DSG4: variants seen among roughly 807,000 people sequenced by gnomAD.
DSG4 encodes the protein desmoglein 4, also known as desmoglein-4.
DSG4 carries 87 observed loss-of-function variants against 93.1 expected under a neutral mutation model. The observed-to-expected ratio is 0.93, with a 90% CI of 0.79 to 1.12. DSG4 has a LOEUF of 1.12. Among genes scored for constraint, DSG4 ranks in the 50% most tolerant of loss-of-function variants. The pLI is 0.00. For synonymous variants in DSG4, 432 were observed against 452.9 expected (o/e 0.95, Z 0.59); for missense variants, 1,373 against 1,285.7 (o/e 1.07, Z -1.04).
chr18:31,412,166 T>C (rs2072502035), intron 15 of DSG4, among the ~76,000 whole-genome samples: 1 of 152,246 alleles, frequency 6.6e-6, no homozygotes, highest in Admixed American at 6.5e-5. Flanking sequence ...GTGATTCATA[T>C]ACCCAATGGA....
chr18:31,384,486 C>G (rs1037509191), intron 1 of DSG4, among the ~76,000 whole-genome samples: 26 of 152,202 alleles, frequency 1.7e-4, no homozygotes, highest in African/African-American at 6.3e-4. Flanking sequence ...AAAATATATT[C>G]CAGTAGGATG....
At position 31,399,539 on chromosome 18, in the gene DSG4, G is replaced by A. The variant is rs2072342887; in HGVS notation, c.1273G>A (p.Val425Ile). Residue 425 changes from valine to isoleucine, a missense_variant, in exon 9 of 16, where the codon GTC becomes ATC. Transcript: ENST00000308128. ...DLDTGNPATD[V>I]RYIIGHDAGS... ...GGACACAGGAAACCCTGCAACAGATGTCAGGTACTGCAACTATTTTCTTCA... is the reference window on the plus strand; with the variant it reads ...GGACACAGGAAACCCTGCAACAGATATCAGGTACTGCAACTATTTTCTTCA... The A allele has an allele frequency of 6.2e-7, 1 of 1,613,902 alleles. No homozygotes were observed. The highest frequency in any genetic ancestry group is 1.7e-5 in the Admixed American group (1 of 60,020).
In DSG4 at chr18:31,412,540, G is replaced by A. The variant is rs569887277; in HGVS notation, c.2356-288G>A. 5.9e-5 allele frequency among the ~76,000 whole-genome samples: 9 copies of A among 152,126 alleles called. No homozygotes were observed. In the East Asian group the frequency reaches 9.7e-4, roughly 16 times the overall value. ...TAGAATTTTATCTCATATTTCAGTC[G>A]GCCTGCTTTATTCTCCATCTGTTCA... is the stretch of plus-strand genomic sequence containing the variant. On this transcript the variant is annotated intron_variant, in intron 15 of 15. Coordinates refer to ENST00000308128, the MANE Select transcript of DSG4 (RefSeq NM_177986.5).
At chr18:31,395,981 A>G (rs942618308) in intron 8 of DSG4, among the ~76,000 whole-genome samples, 1 of 152,196 alleles carries the variant, frequency 6.6e-6, no homozygotes, top group Admixed American at 6.5e-5. Flanking sequence ...CATGAAGGCA[A>G]ATAAGATATG....
At chr18:31,385,209 A>C (rs2072174800) in intron 2 of DSG4, 38 bp downstream of exon 2, 2 of 1,420,896 alleles carry the variant, frequency 1.4e-6, no homozygotes, top group South Asian at 2.6e-5. Flanking sequence ...ATTTAAAATT[A>C]AAACAAAAAC....
intron 3 of DSG4, among the ~76,000 whole-genome samples, chr18:31,387,883 T>G (rs1159207057): frequency 3.3e-5 from 5 of 152,176 alleles, no homozygotes; most frequent in African/African-American, 1.2e-4. Context: ...TGATGCAGTA[T>G]GTTTACATTT....
chr18:31,413,822 T>C lies in DSG4; in HGVS notation c.*227T>C. On this transcript the variant is annotated 3_prime_UTR_variant, in exon 16 of 16. Coordinates refer to ENST00000308128, the MANE Select transcript of DSG4 (RefSeq NM_177986.5). Reference sequence around the variant, plus strand: ...ATTTTAAATAATGCGTCAAAAAATGTGCAGAAAATGTATTGCATCCCTTGA... The same window carrying C: ...ATTTTAAATAATGCGTCAAAAAATGCGCAGAAAATGTATTGCATCCCTTGA... 1.9e-6 allele frequency: 1 copy of C among 531,378 alleles called. No homozygotes were observed. Among genetic ancestry groups the C allele is most frequent in the Non-Finnish European group, 3.3e-6 (1 of 303,304 alleles). The allele number at this position is 531,378 out of a possible 1,614,324, so 32.9% of individuals were successfully genotyped here. A position where few individuals can be genotyped will look rare whatever the true frequency, so the allele number is the denominator to read the frequency against.
chr18:31,390,651 T>C lies in DSG4; in HGVS notation c.518-5T>C. 4 of 1,613,342 alleles carry C rather than the reference T, an allele frequency of 2.5e-6. No individual in the cohort carries two copies. Among genetic ancestry groups the C allele is most frequent in the Non-Finnish European group, 3.4e-6 (4 of 1,179,448 alleles). ...ACCATTCTCCACCTCCATTTCTATTTCTAGATACATTGGTAGTAAAGTTAT... is the reference window on the plus strand; with the variant it reads ...ACCATTCTCCACCTCCATTTCTATTCCTAGATACATTGGTAGTAAAGTTAT... On this transcript the variant is annotated splice_polypyrimidine_tract_variant and splice_region_variant and intron_variant, in intron 5 of 15. Coordinates refer to ENST00000308128, the MANE Select transcript of DSG4 (RefSeq NM_177986.5).
intron 1 of DSG4, among the ~76,000 whole-genome samples, chr18:31,380,081 C>A (rs1423531939): frequency 6.6e-6 from 1 of 151,970 alleles, no homozygotes. Flanking sequence ...CCTTCAAATT[C>A]CTGCAGAGTC....
At chr18:31,406,773 CT>C in intron 12 of DSG4, among the ~76,000 whole-genome samples, 1 of 150,712 alleles carries the variant, frequency 6.6e-6, no homozygotes, top group African/African-American at 2.4e-5. Context: ...TTTTTTTTTT[CT>C]TTTTTTCTTT....
intron 8 of DSG4, among the ~76,000 whole-genome samples, chr18:31,394,608 T>C (rs953384418): frequency 6.6e-6 from 1 of 151,156 alleles, no homozygotes; most frequent in African/African-American, 2.4e-5. Flanking sequence ...ACCACAGTTA[T>C]AAAAATTATT....
In DSG4 at chr18:31,409,269, C is replaced by T. The variant is rs1020838; in HGVS notation, c.1934-183C>T. 0.8 allele frequency among the ~76,000 whole-genome samples: 122,133 copies of T among 152,142 alleles called. 49,329 individuals carry two copies. The highest frequency in any genetic ancestry group is 0.92 in the East Asian group (4,744 of 5,174). On this transcript the variant is annotated intron_variant, in intron 12 of 15. Coordinates refer to ENST00000308128, the MANE Select transcript of DSG4 (RefSeq NM_177986.5). The stretch of plus-strand genomic sequence containing the variant: ...TAAAGTTCTATGTGATTTGGTGGTG[C>T]TGTATTTATAAACTTGGATATGTAT...
At position 31,388,949 on chromosome 18, in the gene DSG4, A is replaced by G; in HGVS notation, c.448A>G (p.Ile150Val). 3 of 1,613,658 alleles carry G rather than the reference A, an allele frequency of 1.9e-6. No individual in the cohort carries two copies. In the African/African-American group the frequency reaches 4.0e-5, roughly 22 times the overall value. ...TGAGCTTAGAGTCAAAGTTATGGACATAAATGATAACGCTCCAGTCTTTTC... is the reference window on the plus strand; with the variant it reads ...TGAGCTTAGAGTCAAAGTTATGGACGTAAATGATAACGCTCCAGTCTTTTC... ...PLELRVKVMD[I>V]NDNAPVFSQS... The change falls in exon 5 of 16, where the codon ATA (isoleucine) becomes GTA (valine). Residue 150 changes from isoleucine (I) to valine (V), a missense_variant. Physicochemically the swap from Ile to Val is conservative, Grantham distance 29 (BLOSUM62 3). Coordinates refer to ENST00000308128, the MANE Select transcript of DSG4 (RefSeq NM_177986.5).
In DSG4 at chr18:31,414,448, T is replaced by C. The variant is rs563724323; in HGVS notation, c.*853T>C. The C allele has an allele frequency of 1.3e-5, 2 of 152,326 alleles. No homozygotes were observed. The highest frequency in any genetic ancestry group is 2.9e-5 in the Non-Finnish European group (2 of 68,024). The allele number at this position is 152,326 out of a possible 1,614,324, so 9.4% of individuals were successfully genotyped here. A position where few individuals can be genotyped will look rare whatever the true frequency, so the allele number is the denominator to read the frequency against. ...TTGACCTGAATCGTAGAGCTTTCAA[T>C]TGGCAACCAGATATTCTCCAAAAGC... On this transcript the variant is annotated 3_prime_UTR_variant, in exon 16 of 16. Transcript: ENST00000308128.
At chr18:31,383,383 G>A (rs1195290370) in intron 1 of DSG4, among the ~76,000 whole-genome samples, 6 of 151,988 alleles carry the variant, frequency 3.9e-5, no homozygotes, top group African/African-American at 9.7e-5. Flanking sequence ...ACTTGATATC[G>A]GCTTAATTGT....
At chr18:31,386,933 G>C in intron 3 of DSG4, 114 bp downstream of exon 3, 1 of 1,533,672 alleles carries the variant, frequency 6.5e-7, no homozygotes, top group Non-Finnish European at 8.9e-7. Flanking sequence ...GACAGAATGT[G>C]GTCATTTGCT....
At position 31,388,909 on chromosome 18, in the gene DSG4, T is replaced by C. The variant is rs919574084; in HGVS notation, c.408T>C (p.Asp136=). The C allele has an allele frequency of 3.7e-6, 6 of 1,613,532 alleles. No individual in the cohort carries two copies. The highest frequency in any genetic ancestry group is 1.7e-6 in the Non-Finnish European group (2 of 1,179,688). ...GGGCTCTGAATTCACGGGGTGAAGA[T>C]TTAGAAAGGCCTCTTGAGCTTAGAG... ...YCRALNSRGE[D]LERPLELRVK... is the part of the protein sequence containing the mutation. Residue 136 remains aspartate, a synonymous_variant, in exon 5 of 16, where the codon GAT becomes GAC. Coordinates refer to ENST00000308128, the MANE Select transcript of DSG4 (RefSeq NM_177986.5).
chr18:31,412,991 T>A lies in DSG4; in HGVS notation c.2519T>A (p.Phe840Tyr), dbSNP rs746008339. The A allele has an allele frequency of 1.2e-6, 2 of 1,614,156 alleles. No homozygotes were observed. The highest frequency in any genetic ancestry group is 2.7e-5 in the African/African-American group (2 of 75,024). ...TGCATGGAAACTTTAGATCCAAAAT[T>A]TAGGACTCTTGCTGAGATCTGCTTA... The part of the protein sequence containing the change: ...ESCMETLDPK[F>Y]RTLAEICLNT... The change falls in exon 16 of 16, where the codon TTT becomes TAT. Residue 840 changes from phenylalanine to tyrosine, a missense_variant. Transcript: ENST00000308128.
Position 31,403,409 on chromosome 18 carries a change from C to A in DSG4, c.1418-7C>A, listed in dbSNP as rs370559581. The A allele has an allele frequency of 1.2e-6, 2 of 1,608,952 alleles. No individual in the cohort carries two copies. Among genetic ancestry groups the A allele is most frequent in the Non-Finnish European group, 1.7e-6 (2 of 1,176,848 alleles). On this transcript the variant is annotated splice_polypyrimidine_tract_variant and splice_region_variant and intron_variant, in intron 10 of 15. Transcript: ENST00000308128. ...TACCTCAACACCAATGACCCTTACT[C>A]TTTCAGATGGCTCTGGAAAAACAGC...
Sources: allele counts gnomAD v4.1 joint callset (sites outside exome capture counted in the v4.1 genomes callset), GRCh38; gene constraint gnomAD v4.1.1; transcripts MANE v1.5; gene names NCBI Gene and HGNC (gene_info 2026-07-23, HGNC 2026-07-21).